EFNA5: variants seen among roughly 807,000 people sequenced by gnomAD.
The protein encoded by EFNA5 is ephrin A5, also known as ephrin-A5.
A neutral mutation model predicts 22.9 loss-of-function variants in EFNA5; 5 were observed. That is an observed-to-expected ratio of 0.22 (90% CI 0.11 to 0.46). EFNA5 has a LOEUF of 0.46. Among genes scored for constraint, EFNA5 ranks in the 20% least tolerant of loss-of-function variants. EFNA5 has a pLI of 0.99. For synonymous variants in EFNA5, 113 were observed against 112.2 expected (o/e 1.01, Z -0.04); for missense variants, 237 against 293.3 (o/e 0.81, Z 1.40).
chr5:107,662,481 T>C (rs1750983078), intron 1 of EFNA5, among the ~76,000 whole-genome samples: 1 of 152,196 alleles, frequency 6.6e-6, no homozygotes. Context: ...TATAAATTTT[T>C]AGTAAAGTTT....
At chr5:107,643,441 C>G (rs1452119296) in intron 1 of EFNA5, among the ~76,000 whole-genome samples, 2 of 152,106 alleles carry the variant, frequency 1.3e-5, no homozygotes, top group Non-Finnish European at 2.9e-5. Context: ...CATTCAGGCC[C>G]GTGGACACCC....
chr5:107,510,026 G>C (rs1393209252), intron 1 of EFNA5, among the ~76,000 whole-genome samples: 1 of 152,156 alleles, frequency 6.6e-6, no homozygotes, highest in Admixed American at 6.5e-5. Flanking sequence ...GAGCTACTAG[G>C]CTGCTTTCCC....
At chr5:107,551,490 CT>C (rs2112468809) in intron 1 of EFNA5, among the ~76,000 whole-genome samples, 1 of 152,254 alleles carries the variant, frequency 6.6e-6, no homozygotes, top group African/African-American at 2.4e-5. Flanking sequence ...ATGACATGTT[CT>C]GTTATTGCCC....
intron 1 of EFNA5, among the ~76,000 whole-genome samples, chr5:107,517,747 C>A (rs977044911): frequency 6.6e-6 from 1 of 152,140 alleles, no homozygotes; most frequent in African/African-American, 2.4e-5. Flanking sequence ...ACAAACGAAG[C>A]AGGCTACGTA....
chr5:107,574,687 G>C (rs1225774637), intron 1 of EFNA5, among the ~76,000 whole-genome samples: 4 of 152,152 alleles, frequency 2.6e-5, no homozygotes, highest in Non-Finnish European at 2.9e-5. Context: ...ATATGGAAGG[G>C]GGGAAAAAGA....
intron 1 of EFNA5, among the ~76,000 whole-genome samples, chr5:107,436,699 C>G (rs1345361897): frequency 6.6e-6 from 1 of 152,022 alleles, no homozygotes; most frequent in Non-Finnish European, 1.5e-5. Context: ...ACAGACCCAG[C>G]AAAAGGAGAC....
At chr5:107,386,167 A>G (rs1459639576) in intron 4 of EFNA5, among the ~76,000 whole-genome samples, 2 of 151,344 alleles carry the variant, frequency 1.3e-5, no homozygotes, top group South Asian at 2.1e-4. Context: ...AAAAAAAAAA[A>G]AAAATTCTCC....
chr5:107,419,881 G>A (rs1748607946), intron 2 of EFNA5, among the ~76,000 whole-genome samples: 1 of 152,106 alleles, frequency 6.6e-6, no homozygotes, highest in African/African-American at 2.4e-5. Flanking sequence ...CACACACACT[G>A]AAGCAAATAT....
chr5:107,505,597 TAA>T (rs911261799), intron 1 of EFNA5, among the ~76,000 whole-genome samples: 5 of 152,146 alleles, frequency 3.3e-5, no homozygotes, highest in African/African-American at 1.2e-4. Context: ...AGCATATCAC[TAA>T]GAGATATCAT....
rs149868490 is a variant in EFNA5 at position 107,437,831 on chromosome 5, T to A, written c.126-10322A>T. On this transcript the variant is annotated intron_variant, in intron 1 of 4. Transcript: ENST00000333274. Reference sequence around the variant, plus strand: ...AGAAGCTAAATATTATAAACAAAGGTCAAGATCAGGAAACAAAATAATGGC... The same window carrying A: ...AGAAGCTAAATATTATAAACAAAGGACAAGATCAGGAAACAAAATAATGGC... Among the ~76,000 whole-genome samples, 20 of 152,152 alleles carry A rather than the reference T, an allele frequency of 1.3e-4. No homozygotes were observed. In the East Asian group the frequency reaches 3.9e-3, roughly 29 times the overall value.
intron 1 of EFNA5, among the ~76,000 whole-genome samples, chr5:107,601,358 G>A (rs186069620): frequency 3.3e-4 from 51 of 152,258 alleles, no homozygotes; most frequent in African/African-American, 1.1e-3. Context: ...AAAGCAGAGC[G>A]TTAGGGAAGC....
intron 2 of EFNA5, among the ~76,000 whole-genome samples, chr5:107,402,344 A>G (rs3756544): frequency 0.16 from 23,982 of 152,246 alleles, 2,253 homozygotes; most frequent in East Asian, 0.31. Flanking sequence ...GTCTTGAACA[A>G]AAAATATGAC....
chr5:107,596,806 C>A (rs961814926), intron 1 of EFNA5, among the ~76,000 whole-genome samples: 2 of 152,130 alleles, frequency 1.3e-5, no homozygotes, highest in Non-Finnish European at 2.9e-5. Context: ...ACTGAAAATT[C>A]TATTTTTGTC....
chr5:107,447,868 G>C (rs1403296444), intron 1 of EFNA5, among the ~76,000 whole-genome samples: 2 of 151,794 alleles, frequency 1.3e-5, no homozygotes, highest in Admixed American at 1.3e-4. Context: ...CCCCCTCTGA[G>C]ATGGAGTCTG....
chr5:107,520,294 A>G (rs528851470), intron 1 of EFNA5, among the ~76,000 whole-genome samples: 8 of 152,382 alleles, frequency 5.2e-5, no homozygotes, highest in East Asian at 1.9e-4. Flanking sequence ...CAGTGAATCA[A>G]TAAGAGTGAG....
intron 1 of EFNA5, among the ~76,000 whole-genome samples, chr5:107,448,162 C>G (rs1205454030): frequency 6.6e-6 from 1 of 152,154 alleles, no homozygotes; most frequent in African/African-American, 2.4e-5. Context: ...AGTGATCACT[C>G]TGTTAGTCCT....
intron 1 of EFNA5, among the ~76,000 whole-genome samples, chr5:107,628,972 T>C (rs953403847): frequency 6.6e-6 from 1 of 152,196 alleles, no homozygotes; most frequent in South Asian, 2.1e-4. Flanking sequence ...CTCTATTTTA[T>C]CTGAAACTGT....
At chr5:107,385,392 G>GA (rs986355150) in intron 4 of EFNA5, among the ~76,000 whole-genome samples, 10 of 151,844 alleles carry the variant, frequency 6.6e-5, no homozygotes, top group East Asian at 1.9e-4. Context: ...AGATTCCCTG[G>GA]AAAAAAAACC....
intron 4 of EFNA5, among the ~76,000 whole-genome samples, chr5:107,383,658 T>C (rs928280462): frequency 1.3e-4 from 20 of 152,204 alleles, no homozygotes; most frequent in African/African-American, 4.6e-4. Context: ...CTTCTCCTTG[T>C]ATAGCTTGCA....
Sources: gnomAD v4.1 joint callset for allele counts (sites outside exome capture counted in the v4.1 genomes callset) on GRCh38, gnomAD v4.1.1 for gene constraint, MANE v1.5 for transcripts, NCBI Gene and HGNC (gene_info 2026-07-23, HGNC 2026-07-21) for gene names.